ASPH: variants seen among roughly 807,000 people sequenced by gnomAD.
ASPH encodes aspartate beta-hydroxylase, also known as aspartyl/asparaginyl beta-hydroxylase.
Under a neutral mutation model 118.4 loss-of-function variants are expected in ASPH, and 100 were observed. The observed-to-expected ratio is 0.84, with a 90% CI of 0.72 to 1.00. The LOEUF is 1.00. Among genes scored for constraint, ASPH ranks in the 50% least tolerant of loss-of-function variants. ASPH has a pLI of 0.00. For synonymous variants in ASPH, 315 were observed against 325.6 expected (o/e 0.97, Z 0.35); for missense variants, 920 against 919.5 (o/e 1.00, Z -0.01).
intron 14 of ASPH, among the ~76,000 whole-genome samples, chr8:61,612,030 G>GAA (rs149275503): frequency 1.4e-5 from 2 of 140,388 alleles, no homozygotes; most frequent in African/African-American, 2.6e-5. Context: ...CCAGTCTCAG[G>GAA]AAAAAAAAAA....
At chr8:61,705,060 T>C (rs1836252992) in intron 1 of ASPH, among the ~76,000 whole-genome samples, 1 of 152,170 alleles carries the variant, frequency 6.6e-6, no homozygotes, top group Non-Finnish European at 1.5e-5. Context: ...AGCCCAAGTG[T>C]CCACCAATAA....
intron 3 of ASPH, among the ~76,000 whole-genome samples, chr8:61,678,427 A>C (rs945982220): frequency 1.3e-5 from 2 of 152,168 alleles, no homozygotes. Flanking sequence ...AATGAAGAAA[A>C]ATGGGCTTAG....
intron 14 of ASPH, among the ~76,000 whole-genome samples, chr8:61,603,699 A>G (rs1304682134): frequency 6.6e-6 from 1 of 152,224 alleles, no homozygotes; most frequent in African/African-American, 2.4e-5. Context: ...GATAAACAAG[A>G]CAATCCCTAT....
chr8:61,562,681 A>C, intron 18 of ASPH, 63 bp downstream of exon 18: 1 of 1,423,056 alleles, frequency 7.0e-7, no homozygotes, highest in Non-Finnish European at 9.3e-7. Flanking sequence ...GGGTATAATA[A>C]ATGTAATTTG....
At chr8:61,638,282 G>A in intron 11 of ASPH, 40 bp downstream of exon 11, 1 of 1,586,770 alleles carries the variant, frequency 6.3e-7, no homozygotes, top group Non-Finnish European at 8.5e-7. Flanking sequence ...TACAGGGAAA[G>A]CTGACTTGCA....
At chr8:61,616,308 C>A (rs775776846) in intron 14 of ASPH, among the ~76,000 whole-genome samples, 12 of 152,264 alleles carry the variant, frequency 7.9e-5, no homozygotes, top group Non-Finnish European at 1.6e-4. Context: ...GCTGCTAAGA[C>A]TAGAATGGGA....
intron 21 of ASPH, among the ~76,000 whole-genome samples, chr8:61,542,145 C>T (rs942170219): frequency 2.6e-5 from 4 of 152,138 alleles, no homozygotes; most frequent in African/African-American, 7.2e-5. Context: ...TCATGTGGAC[C>T]TGAATTGGAT....
At chr8:61,644,250 G>A (rs920618563) in intron 7 of ASPH, among the ~76,000 whole-genome samples, 14 of 152,256 alleles carry the variant, frequency 9.2e-5, no homozygotes, top group African/African-American at 3.4e-4. Flanking sequence ...GCTGACAGAT[G>A]ATGCGCCCAC....
rs577511653 is a variant in ASPH at position 61,653,657 on chromosome 8, A to T, written c.326T>A (p.Leu109His). 6.2e-7 allele frequency: 1 copy of T among 1,613,328 alleles called. No homozygotes were observed. Among genetic ancestry groups the T allele is most frequent in the South Asian group, 1.1e-5 (1 of 90,918 alleles). Residue 109 changes from leucine (L) to histidine (H), a missense_variant, in exon 4 of 25, where the codon CTT becomes CAT. Coordinates refer to ENST00000379454, the MANE Select transcript of ASPH (RefSeq NM_004318.4). ...DVDDAKVLLGLKERSTSEPAV... is the reference protein window; with the variant it reads ...DVDDAKVLLGHKERSTSEPAV... ...TGGCTCTGAAGTAGATCTCTCTTTA[A>T]GTCCTGCATTTTTTTATTCACAAAG...
At chr8:61,674,096 C>A (rs1824023520) in intron 3 of ASPH, among the ~76,000 whole-genome samples, 2 of 152,244 alleles carry the variant, frequency 1.3e-5, no homozygotes, top group South Asian at 2.1e-4. Context: ...AAAATTTAAT[C>A]ATTTACTTCT....
intron 21 of ASPH, among the ~76,000 whole-genome samples, chr8:61,536,006 T>G (rs1819390884): frequency 6.6e-6 from 1 of 151,606 alleles, no homozygotes. Context: ...GTTTTTCAAG[T>G]GTGAATATAC....
intron 14 of ASPH, chr8:61,607,193 C>G: frequency 1.5e-6 from 1 of 679,996 alleles, no homozygotes; most frequent in African/African-American, 1.8e-5. Flanking sequence ...TCCTTCTTAG[C>G]TAGAAGCTGT....
chr8:61,605,421 C>T (rs16927634), intron 14 of ASPH, among the ~76,000 whole-genome samples: 5,986 of 152,196 alleles, frequency 0.039, 385 homozygotes, highest in African/African-American at 0.14. Flanking sequence ...TGCAGGAGTG[C>T]AGGTAGAATT....
chr8:61,518,928 T>G (rs1276414468), intron 22 of ASPH, among the ~76,000 whole-genome samples: 3 of 152,200 alleles, frequency 2.0e-5, no homozygotes, highest in Non-Finnish European at 4.4e-5. Context: ...ACAAGAACCA[T>G]AAGAGACCAC....
At chr8:61,665,401 A>G (rs1394821801) in intron 3 of ASPH, 4 of 1,612,980 alleles carry the variant, frequency 2.5e-6, no homozygotes, top group Non-Finnish European at 3.4e-6. Flanking sequence ...CCTTGGTTTT[A>G]GCACTTTTTT....
intron 19 of ASPH, among the ~76,000 whole-genome samples, chr8:61,555,354 T>C (rs1480024471): frequency 6.6e-6 from 1 of 152,176 alleles, no homozygotes; most frequent in Admixed American, 6.5e-5. Flanking sequence ...TCCAGGGTTC[T>C]CCTGGGTTCT....
At chr8:61,684,957 T>C (rs1351719333) in intron 1 of ASPH, among the ~76,000 whole-genome samples, 1 of 152,138 alleles carries the variant, frequency 6.6e-6, no homozygotes, top group Non-Finnish European at 1.5e-5. Flanking sequence ...ATATAATACA[T>C]ATATCAATAT....
At chr8:61,568,633 T>C (rs750428972) in intron 16 of ASPH, among the ~76,000 whole-genome samples, 12 of 152,020 alleles carry the variant, frequency 7.9e-5, no homozygotes, top group Admixed American at 1.3e-4. Flanking sequence ...AGTGTGGGAA[T>C]CATCAAGGAT....
intron 14 of ASPH, among the ~76,000 whole-genome samples, chr8:61,607,577 A>G (rs929065776): frequency 8.5e-5 from 13 of 152,076 alleles, no homozygotes; most frequent in Admixed American, 2.6e-4. Flanking sequence ...AAGTACTGTT[A>G]TGCCCTCAGT....
Sources: allele counts gnomAD v4.1 joint callset (sites outside exome capture counted in the v4.1 genomes callset), GRCh38; gene constraint gnomAD v4.1.1; transcripts MANE v1.5; gene names NCBI Gene and HGNC (gene_info 2026-07-23, HGNC 2026-07-21).